Variants in TEAD1 observed in about 807,000 individuals in gnomAD.
TEAD1 encodes the protein TEA domain transcription factor 1, also known as transcriptional enhancer factor TEF-1.
Under a neutral mutation model 54.9 loss-of-function variants are expected in TEAD1, and 9 were observed. The observed-to-expected ratio is 0.16, with a 90% CI of 0.10 to 0.29. The LOEUF is 0.29. Ranked by LOEUF, TEAD1 falls within the 10% of genes least tolerant of loss-of-function variation. The pLI, the probability that TEAD1 is intolerant of heterozygous loss-of-function variation, is 1.00. For missense variants in TEAD1, 387 were observed against 535.9 expected (o/e 0.72, Z 2.74); for synonymous variants, 200 against 187.8 (o/e 1.07, Z -0.53).
intron 2 of TEAD1, among the ~76,000 whole-genome samples, chr11:12,722,994 C>A (rs1289597024): frequency 6.6e-6 from 1 of 150,424 alleles, no homozygotes; most frequent in South Asian, 2.1e-4. Context: ...TTCTGTAGTT[C>A]TGTGCTATTA....
rs1179471048 is a variant in TEAD1 at position 12,942,975 on chromosome 11, A to G, written c.*5753A>G. 1.3e-5 allele frequency: 2 copies of G among 152,232 alleles called. No homozygotes were observed. The highest frequency in any genetic ancestry group is 2.4e-5 in the African/African-American group (1 of 41,466). The allele number at this position is 152,232 out of a possible 1,614,324, so 9.4% of individuals were successfully genotyped here. ...AGTGAAAAGGACAAGAAGGCCAAAC[A>G]CCAGCCAAAAAGAAACTAGGAAAAA... On this transcript the variant is annotated 3_prime_UTR_variant, in exon 13 of 13. Coordinates refer to ENST00000527636, the MANE Select transcript of TEAD1 (RefSeq NM_021961.6).
intron 3 of TEAD1, among the ~76,000 whole-genome samples, chr11:12,786,883 C>A (rs536428703): frequency 6.6e-6 from 1 of 152,252 alleles, no homozygotes; most frequent in South Asian, 2.1e-4. Flanking sequence ...AGGGGATAAG[C>A]CAGACAGACA....
intron 2 of TEAD1, among the ~76,000 whole-genome samples, chr11:12,698,823 A>C (rs1943639088): frequency 6.6e-6 from 1 of 152,214 alleles, no homozygotes. Context: ...GCATTGCTAT[A>C]AGATGCTTCA....
intron 2 of TEAD1, among the ~76,000 whole-genome samples, chr11:12,708,785 A>G (rs976724718): frequency 9.2e-5 from 14 of 152,234 alleles, no homozygotes; most frequent in Admixed American, 3.3e-4. Context: ...GATGAAGTCA[A>G]CTTCTATGTA....
chr11:12,841,771 C>T (rs1947045908), intron 3 of TEAD1, among the ~76,000 whole-genome samples: 1 of 152,128 alleles, frequency 6.6e-6, no homozygotes, highest in Admixed American at 6.5e-5. Context: ...TAGGGCTTAT[C>T]GTGGTATCAT....
At chr11:12,756,533 A>G (rs1028866928) in intron 2 of TEAD1, among the ~76,000 whole-genome samples, 17 of 152,226 alleles carry the variant, frequency 1.1e-4, no homozygotes, top group Non-Finnish European at 2.5e-4. Context: ...ATTAACCATT[A>G]TTAGTGTCTG....
intron 2 of TEAD1, among the ~76,000 whole-genome samples, chr11:12,717,570 C>T (rs188329625): frequency 9.2e-5 from 14 of 152,234 alleles, no homozygotes; most frequent in Admixed American, 2.6e-4. Context: ...CCTTAATACA[C>T]GATCTTCCTG....
intron 3 of TEAD1, among the ~76,000 whole-genome samples, chr11:12,835,902 A>G (rs1809225861): frequency 6.6e-6 from 1 of 152,188 alleles, no homozygotes; most frequent in Non-Finnish European, 1.5e-5. Context: ...AATAAGTTCT[A>G]GTGATCTCTT....
At position 12,736,292 on chromosome 11, in the gene TEAD1, T is replaced by TTTTTG. The variant is rs556294929; in HGVS notation, c.-54-27872_-54-27868dup. ...GACCAAAGGCTTTACGTTTTCTAGC[T>TTTTTG]TTTTGTTTTGTTTTGTTTTTGTCAT... is the stretch of plus-strand genomic sequence containing the variant. On this transcript the variant is annotated intron_variant, in intron 2 of 12. Coordinates refer to ENST00000527636, the MANE Select transcript of TEAD1 (RefSeq NM_021961.6). Among the ~76,000 whole-genome samples, 53 of 152,322 alleles carry TTTTTG rather than the reference T, an allele frequency of 3.5e-4. 1 individual carries two copies. The East Asian group carries it at 8.7e-3, about 25-fold the overall frequency.
chr11:12,884,764 C>T lies in TEAD1; in HGVS notation c.699+1639C>T, dbSNP rs761762281. On this transcript the variant is annotated intron_variant, in intron 9 of 12. Coordinates refer to ENST00000527636, the MANE Select transcript of TEAD1 (RefSeq NM_021961.6). ...CAGACCAGGAAAGAGAAGAAAAGGC[C>T]AACTGGATGACTCCTTCCAAGCAGC... Among the ~76,000 whole-genome samples, 5 of 152,120 alleles carry T rather than the reference C, an allele frequency of 3.3e-5. No individual in the cohort carries two copies. The East Asian group carries it at 9.7e-4, about 29-fold the overall frequency.
At chr11:12,914,463 G>A (rs1948674348) in intron 10 of TEAD1, among the ~76,000 whole-genome samples, 1 of 152,216 alleles carries the variant, frequency 6.6e-6, no homozygotes, top group African/African-American at 2.4e-5. Context: ...CAGGGCATAA[G>A]GGCCGAAGTG....
intron 9 of TEAD1, among the ~76,000 whole-genome samples, chr11:12,893,442 G>A (rs1948240608): frequency 1.3e-5 from 2 of 152,136 alleles, no homozygotes; most frequent in Non-Finnish European, 2.9e-5. Flanking sequence ...AAGATGCTCT[G>A]GCCACTTCCC....
chr11:12,736,971 A>C (rs186890619), intron 2 of TEAD1, among the ~76,000 whole-genome samples: 1 of 152,214 alleles, frequency 6.6e-6, no homozygotes, highest in Non-Finnish European at 1.5e-5. Context: ...TGTATTAAAT[A>C]TAGTCAATAA....
At chr11:12,714,505 GTTGTTTTGGC>G (rs1944012997) in intron 2 of TEAD1, among the ~76,000 whole-genome samples, 1 of 152,170 alleles carries the variant, frequency 6.6e-6, no homozygotes, top group Non-Finnish European at 1.5e-5. Flanking sequence ...GTTTCACCAT[GTTGTTTTGGC>G]TTTGTTAAAT....
chr11:12,926,876 ACCT>A (rs1948912396), intron 11 of TEAD1, among the ~76,000 whole-genome samples: 1 of 152,138 alleles, frequency 6.6e-6, no homozygotes, highest in African/African-American at 2.4e-5. Context: ...GAACCAGATG[ACCT>A]CCTCGCCTCT....
chr11:12,776,769 A>ATTATTG (rs1402045742), intron 3 of TEAD1, among the ~76,000 whole-genome samples: 1 of 122,744 alleles, frequency 8.1e-6, no homozygotes, highest in Non-Finnish European at 1.5e-5. Context: ...TATTATTATT[A>ATTATTG]TTATTATTAT....
intron 11 of TEAD1, among the ~76,000 whole-genome samples, chr11:12,927,664 G>A (rs1016821240): frequency 6.6e-6 from 1 of 151,984 alleles, no homozygotes; most frequent in African/African-American, 2.4e-5. Flanking sequence ...TTCTAATCAA[G>A]AATGTATTTG....
intron 3 of TEAD1, among the ~76,000 whole-genome samples, chr11:12,783,775 G>A (rs73423663): frequency 0.024 from 3,591 of 152,312 alleles, 152 homozygotes; most frequent in African/African-American, 0.083. Flanking sequence ...GTTTTCAGGA[G>A]TAGTAAGGAG....
chr11:12,921,538 C>T (rs1448400253), intron 10 of TEAD1, among the ~76,000 whole-genome samples: 1 of 130,792 alleles, frequency 7.6e-6, no homozygotes, highest in Admixed American at 7.8e-5. Flanking sequence ...AACTCCATCT[C>T]AAAAAAAAAA....
Sources: allele counts gnomAD v4.1 joint callset (sites outside exome capture counted in the v4.1 genomes callset), GRCh38; gene constraint gnomAD v4.1.1; transcripts MANE v1.5; gene names NCBI Gene and HGNC (gene_info 2026-07-23, HGNC 2026-07-21).